LAMC3: variants seen among roughly 807,000 people sequenced by gnomAD.
LAMC3 encodes laminin subunit gamma 3.
LAMC3 carries 128 observed loss-of-function variants against 173.8 expected under a neutral mutation model. The ratio of observed to expected loss-of-function variants is 0.74; its 90% CI spans 0.64 to 0.85. LAMC3 has a LOEUF of 0.85. Among genes scored for constraint, LAMC3 ranks in the 40% least tolerant of loss-of-function variants. The pLI is 0.00. For synonymous variants in LAMC3, 897 were observed against 909.1 expected (o/e 0.99, Z 0.24); for missense variants, 2,022 against 2,156.0 (o/e 0.94, Z 1.23).
Position 131,087,852 on chromosome 9 carries a change from G to A in LAMC3, c.4477+35G>A, listed in dbSNP as rs369132253. The A allele has an allele frequency of 3.2e-6, 5 of 1,555,726 alleles. No homozygotes were observed. The African/African-American group carries it at 6.8e-5, about 21-fold the overall frequency. The stretch of plus-strand genomic sequence containing the variant: ...CCCTAAGGCTGGGCCCTGAACCCCT[G>A]GGTCCCTGGGGCACCTCTAGGATCT... On this transcript the variant is annotated intron_variant, in intron 27 of 27. Transcript: ENST00000361069.
In LAMC3 at chr9:131,038,924, C is replaced by G. The variant is rs747845371; in HGVS notation, c.1037C>G (p.Thr346Arg). 8.1e-6 allele frequency: 13 copies of G among 1,613,244 alleles called. No homozygotes were observed. In the East Asian group the frequency reaches 1.1e-4, roughly 14 times the overall value. The change falls in exon 5 of 28, where the codon ACA becomes AGA. Residue 346 changes from threonine to arginine, a missense_variant. Physicochemically the swap from Thr to Arg is moderately conservative, Grantham distance 71 (BLOSUM62 -1). Coordinates refer to ENST00000361069, the MANE Select transcript of LAMC3 (RefSeq NM_006059.4). Reference protein sequence around the residue: ...CTFDRELFRSTGHGGRCHHCR... With the variant: ...CTFDRELFRSRGHGGRCHHCR... ...TTTGATCGGGAGCTCTTCCGCAGCA[C>G]AGGCCACGGCGGGCGCTGTCACCAC...
At chr9:131,081,964 G>T in intron 23 of LAMC3, 95 bp from the exon 24 acceptor site, 1 of 820,658 alleles carries the variant, frequency 1.2e-6, no homozygotes. Context: ...GTGATGATTT[G>T]GGCACCCATG....
chr9:131,082,780 C>T (rs568968176), intron 24 of LAMC3, among the ~76,000 whole-genome samples: 5 of 152,366 alleles, frequency 3.3e-5, no homozygotes, highest in South Asian at 2.1e-4. Context: ...CCTTATCCAA[C>T]GGGCTGGATA....
At position 131,036,341 on chromosome 9, in the gene LAMC3, C is replaced by CT. The variant is rs767005313; in HGVS notation, c.976+10dup. 1 of 1,612,708 alleles carries CT rather than the reference C, an allele frequency of 6.2e-7. No individual in the cohort carries two copies. Among genetic ancestry groups the CT allele is most frequent in the Non-Finnish European group, 8.5e-7 (1 of 1,179,570 alleles). Reference sequence around the variant, plus strand: ...TGCCCACGAGTGTCTGCGTGAGTGTCTGAGTGTCACAGGGCATCAGGGACC... The same window carrying CT: ...TGCCCACGAGTGTCTGCGTGAGTGTCTTGAGTGTCACAGGGCATCAGGGACC... On this transcript the variant is annotated intron_variant, in intron 4 of 27. Transcript: ENST00000361069.
At chr9:131,044,403 G>T (rs112175956) in intron 7 of LAMC3, among the ~76,000 whole-genome samples, 2 of 152,078 alleles carry the variant, frequency 1.3e-5, no homozygotes, top group Non-Finnish European at 2.9e-5. Flanking sequence ...CCAGCTACTT[G>T]GGAGGCTGAG....
chr9:131,016,249 G>A (rs572020545), intron 1 of LAMC3, among the ~76,000 whole-genome samples: 46 of 152,290 alleles, frequency 3.0e-4, no homozygotes, highest in African/African-American at 8.4e-4. Context: ...AGGGGCTGGG[G>A]GAGGGGCAAT....
rs757443426 is a variant in LAMC3 at position 131,067,084 on chromosome 9, T to TGACCCCCTGTCTGGCCACTGC, written c.2473_2493dup (p.Asp825_Cys831dup). ...TGGACCCCAATGCCGTGGGCAACTG[T>TGACCCCCTGTCTGGCCACTGC]GACCCCCTGTCTGGCCACTGCCTGC... On this transcript the variant is annotated inframe_insertion, in exon 14 of 28. Coordinates refer to ENST00000361069, the MANE Select transcript of LAMC3 (RefSeq NM_006059.4). The TGACCCCCTGTCTGGCCACTGC allele has an allele frequency of 1.2e-6, 2 of 1,614,148 alleles. 1 individual carries two copies. The highest frequency in any genetic ancestry group is 2.2e-5 in the South Asian group (2 of 91,090).
chr9:131,079,003 ACC>A (rs1830185840), intron 22 of LAMC3, 144 bp from the exon 23 acceptor site: 2 of 980,120 alleles, frequency 2.0e-6, no homozygotes, highest in Admixed American at 4.1e-5. Flanking sequence ...AGCTAGGCTC[ACC>A]AGGTTTTCAG....
At chr9:131,076,010 C>A in intron 21 of LAMC3, 45 bp downstream of exon 21, 6 of 1,554,890 alleles carry the variant, frequency 3.9e-6, no homozygotes, top group African/African-American at 2.7e-5. Flanking sequence ...GGTTGGCCTC[C>A]TGGAGCCAAC....
chr9:131,087,797 C>G lies in LAMC3; in HGVS notation c.4457C>G (p.Ser1486Ter). Residue 1486 changes from serine to a stop codon, truncating the protein, a stop_gained, in exon 27 of 28, where the codon TCA (serine) becomes TGA (stop). Coordinates refer to ENST00000361069, the MANE Select transcript of LAMC3 (RefSeq NM_006059.4). LOFTEE classifies it high-confidence loss of function. The part of the protein sequence containing the change: ...ISLEKDIETL[S>*]ELLARLGSLD... ...CTGGAGAAGGACATCGAGACCTTGT[C>G]AGAGCTGCTTGCCAGGCTGGGTAAG... 6.2e-7 allele frequency: 1 copy of G among 1,614,026 alleles called. No homozygotes were observed. The highest frequency in any genetic ancestry group is 8.5e-7 in the Non-Finnish European group (1 of 1,180,040).
At chr9:131,046,121 TTGCCTGAGGCCACA>T (rs1471182954) in intron 8 of LAMC3, among the ~76,000 whole-genome samples, 2 of 151,558 alleles carry the variant, frequency 1.3e-5, no homozygotes, top group African/African-American at 4.9e-5. Flanking sequence ...GGTAGGCCAC[TTGCCTGAGGCCACA>T]TAACAGTTGT....
intron 8 of LAMC3, among the ~76,000 whole-genome samples, chr9:131,047,979 C>T (rs867133529): frequency 6.6e-5 from 10 of 150,670 alleles, no homozygotes; most frequent in African/African-American, 2.2e-4. Context: ...ATCTCTTGAC[C>T]TCATGATCCA....
chr9:131,077,676 C>CAAAA lies in LAMC3; in HGVS notation c.3777+376_3777+379dup, dbSNP rs56320740. Among the ~76,000 whole-genome samples the CAAAA allele has an allele frequency of 2.2e-4, 6 of 27,724 alleles. 1 individual carries two copies. The highest frequency in any genetic ancestry group is 1.8e-3 in the East Asian group (1 of 546). 18.2% of individuals were successfully genotyped at this position (27,724 alleles called of 152,430 possible). A position where few individuals can be genotyped will look rare whatever the true frequency, so the allele number is the denominator to read the frequency against. On this transcript the variant is annotated intron_variant, in intron 22 of 27. Coordinates refer to ENST00000361069, the MANE Select transcript of LAMC3 (RefSeq NM_006059.4). ...TGGGCGACAGAGCAAGACTCCATCT[C>CAAAA]AAAAAAAAAAAAAAAAAAAAAAAAA...
intron 23 of LAMC3, among the ~76,000 whole-genome samples, chr9:131,081,649 A>G (rs1349284708): frequency 6.6e-6 from 1 of 151,992 alleles, no homozygotes; most frequent in East Asian, 1.9e-4. Context: ...TTTTAAATAA[A>G]TTTTTAGTAG....
rs1830449028 is a variant in LAMC3, at chr9:131,092,914, C to T, written c.*1127C>T. 6.6e-6 allele frequency: 1 copy of T among 152,592 alleles called. No homozygotes were observed. Among genetic ancestry groups the T allele is most frequent in the African/African-American group, 2.4e-5 (1 of 41,488 alleles). The allele number at this position is 152,592 out of a possible 1,614,324, so 9.5% of individuals were successfully genotyped here. The stretch of plus-strand genomic sequence containing the variant: ...CCCTCCCCTCTCCCAGACCCTCTTC[C>T]AGCAGATGGCAAGGCCTCGGCATTG... On this transcript the variant is annotated 3_prime_UTR_variant, in exon 28 of 28. Transcript: ENST00000361069.
intron 8 of LAMC3, among the ~76,000 whole-genome samples, chr9:131,047,331 A>G (rs1834189728): frequency 6.6e-6 from 1 of 150,482 alleles, no homozygotes; most frequent in South Asian, 2.1e-4. Flanking sequence ...CGCCCAGCTT[A>G]TTTTTGTATT....
chr9:131,045,532 C>G lies in LAMC3; in HGVS notation c.1391C>G (p.Pro464Arg), dbSNP rs140806340. 6.2e-7 allele frequency: 1 copy of G among 1,613,746 alleles called. No homozygotes were observed. The highest frequency in any genetic ancestry group is 1.1e-5 in the South Asian group (1 of 91,090). ...VEGNLCDRCR[P>R]GTFNLQPHNP... is the part of the protein sequence containing the mutation. Reference sequence around the variant, plus strand: ...TCCTGCCTCCATTTCAGATGTCGCCCGGGGACCTTTAACCTGCAGCCCCAC... The same window carrying G: ...TCCTGCCTCCATTTCAGATGTCGCCGGGGGACCTTTAACCTGCAGCCCCAC... The change falls in exon 8 of 28, where the codon CCG becomes CGG. Residue 464 changes from proline to arginine, a missense_variant. Transcript: ENST00000361069.
At chr9:131,052,410 G>T in intron 9 of LAMC3, 81 bp from the exon 10 acceptor site, 1 of 1,277,008 alleles carries the variant, frequency 7.8e-7, no homozygotes, top group African/African-American at 1.5e-5. Context: ...TGAATGTTTA[G>T]TTGCCGATAA....
chr9:131,080,767 G>T (rs561042314), intron 23 of LAMC3, among the ~76,000 whole-genome samples: 4 of 152,182 alleles, frequency 2.6e-5, no homozygotes, highest in African/African-American at 9.6e-5. Flanking sequence ...GACTTCCCCA[G>T]GAGTCAGGGC....
Sources: gnomAD v4.1 joint callset for allele counts (sites outside exome capture counted in the v4.1 genomes callset) on GRCh38, gnomAD v4.1.1 for gene constraint, MANE v1.5 for transcripts, NCBI Gene and HGNC (gene_info 2026-07-23, HGNC 2026-07-21) for gene names.